The following TMEM266 variants were observed in gnomAD, a reference collection of about 807,000 sequenced individuals.
TMEM266 encodes Hv1 related protein 1.
In TMEM266, 33 loss-of-function variants were observed where a neutral mutation model predicts 50.5. The ratio of observed to expected loss-of-function variants is 0.65; its 90% confidence interval spans 0.50 to 0.87. TMEM266 has a LOEUF of 0.87. Among genes scored for constraint, TMEM266 ranks in the 40% least tolerant of loss-of-function variants. TMEM266 has a pLI of 0.00. For synonymous variants in TMEM266, 310 were observed against 292.3 expected, an observed-to-expected ratio of 1.06 and a Z score of -0.62; for missense variants, 655 against 695.1, an observed-to-expected ratio of 0.94 and a Z score of 0.65.
At chr15:76,116,952 T>C (rs4886479) in intron 1 of TMEM266, among the ~76,000 whole-genome samples, 45,881 of 147,204 alleles carry the variant, frequency 0.31, 8,413 homozygotes, top group East Asian at 0.56. Flanking sequence ...CAGGCTGGAG[T>C]GCAGTGGCAT....
intron 1 of TMEM266, among the ~76,000 whole-genome samples, chr15:76,089,879 A>G (rs1249739306): frequency 6.6e-6 from 1 of 152,150 alleles, no homozygotes; most frequent in Non-Finnish European, 1.5e-5. Context: ...AGGATTTGGC[A>G]ACTGGTTGGG....
Position 76,204,691 on chromosome 15 carries a change from A to G in TMEM266, c.*376A>G, listed in dbSNP as rs2038810198. On this transcript the variant is annotated 3_prime_UTR_variant, in exon 11 of 11. Coordinates refer to ENST00000388942, the MANE Select transcript of TMEM266 (RefSeq NM_152335.3). ...GACTCTAGGGAACAGCACTGTGAGCAGGGGCTGTCCAGCCCCACCCCTAAG... is the reference window on the plus strand; with the variant it reads ...GACTCTAGGGAACAGCACTGTGAGCGGGGGCTGTCCAGCCCCACCCCTAAG... 1.2e-5 allele frequency: 2 copies of G among 170,096 alleles called. No individual in the cohort carries two copies. Among genetic ancestry groups the G allele is most frequent in the African/African-American group, 2.4e-5 (1 of 41,896 alleles). The allele number at this position is 170,096 out of a possible 1,614,324, so 10.5% of individuals were successfully genotyped here.
At chr15:76,069,120 T>TTTAAG (rs1346795298) in intron 1 of TMEM266, among the ~76,000 whole-genome samples, 2 of 152,250 alleles carry the variant, frequency 1.3e-5, no homozygotes, top group African/African-American at 4.8e-5. Flanking sequence ...AAAAAGATAG[T>TTTAAG]TTAAGTTTTC....
chr15:76,166,072 G>T (rs944055637), intron 5 of TMEM266, among the ~76,000 whole-genome samples: 1 of 152,204 alleles, frequency 6.6e-6, no homozygotes, highest in Non-Finnish European at 1.5e-5. Context: ...GTCCTTGGCT[G>T]CACATTGAGA....
intron 1 of TMEM266, among the ~76,000 whole-genome samples, chr15:76,098,946 C>T (rs985581023): frequency 5.3e-5 from 8 of 152,106 alleles, no homozygotes; most frequent in African/African-American, 1.2e-4. Context: ...TAGAGTGTCC[C>T]GGGTCCATCT....
At chr15:76,201,749 A>C (rs2038752121) in intron 9 of TMEM266, among the ~76,000 whole-genome samples, 1 of 152,206 alleles carries the variant, frequency 6.6e-6, no homozygotes, top group Non-Finnish European at 1.5e-5. Context: ...ACGGGGGGCT[A>C]TCTGGATGGC....
intron 1 of TMEM266, among the ~76,000 whole-genome samples, chr15:76,126,331 A>G (rs1196239315): frequency 6.7e-6 from 1 of 149,366 alleles, no homozygotes; most frequent in Non-Finnish European, 1.5e-5. Context: ...GTGTCCATCA[A>G]TAGACAAATA....
At chr15:76,092,874 C>T (rs2036868525) in intron 1 of TMEM266, among the ~76,000 whole-genome samples, 2 of 139,020 alleles carry the variant, frequency 1.4e-5, no homozygotes, top group South Asian at 5.0e-4. Flanking sequence ...GTGGCACACT[C>T]TCGACTCACT....
In TMEM266 at chr15:76,139,784, A is replaced by G. The variant is rs1366533508; in HGVS notation, c.227+1889A>G. Among the ~76,000 whole-genome samples, 1 of 152,200 alleles carries G rather than the reference A, an allele frequency of 6.6e-6. No homozygotes were observed. Among genetic ancestry groups the G allele is most frequent in the Non-Finnish European group, 1.5e-5 (1 of 68,028 alleles). Reference sequence around the variant, plus strand: ...CTTTTCACGTGAAGAGTAGCATGGTATGGAGAAAAGTGGGGAAACCTTCAG... The same window carrying G: ...CTTTTCACGTGAAGAGTAGCATGGTGTGGAGAAAAGTGGGGAAACCTTCAG... On this transcript the variant is annotated intron_variant, in intron 3 of 10. Transcript: ENST00000388942. The surrounding 1 kb of genome is among the most constrained non-coding windows in gnomAD (Gnocchi z 4.1).
At chr15:76,063,429 A>T (rs763906315) in intron 1 of TMEM266, among the ~76,000 whole-genome samples, 1 of 152,140 alleles carries the variant, frequency 6.6e-6, no homozygotes, top group Non-Finnish European at 1.5e-5. Context: ...CTCCATCCAC[A>T]CTGGCCTCCT....
At chr15:76,151,817 G>A (rs549042867) in intron 3 of TMEM266, among the ~76,000 whole-genome samples, 9 of 152,292 alleles carry the variant, frequency 5.9e-5, no homozygotes, top group East Asian at 1.9e-4. Context: ...GGGCTGAGAC[G>A]CCGCATTCCT....
At chr15:76,154,414 A>G (rs773995090) in intron 3 of TMEM266, among the ~76,000 whole-genome samples, 4 of 152,102 alleles carry the variant, frequency 2.6e-5, no homozygotes, top group Non-Finnish European at 4.4e-5. Context: ...TGGTTCTGCA[A>G]TGGACTTCGA....
chr15:76,195,419 C>T (rs934817631), intron 9 of TMEM266, among the ~76,000 whole-genome samples: 9 of 152,380 alleles, frequency 5.9e-5, no homozygotes, highest in African/African-American at 2.2e-4. Context: ...TAGTCCACCC[C>T]AGAAACCCCA....
intron 8 of TMEM266, among the ~76,000 whole-genome samples, chr15:76,188,612 G>A (rs910713168): frequency 5.3e-5 from 8 of 151,984 alleles, no homozygotes; most frequent in Admixed American, 6.6e-5. Context: ...AAAAACAAAC[G>A]AACAAACAAA....
intron 1 of TMEM266, among the ~76,000 whole-genome samples, chr15:76,084,882 C>A (rs1406693956): frequency 6.6e-6 from 1 of 151,676 alleles, no homozygotes; most frequent in Non-Finnish European, 1.5e-5. Flanking sequence ...CAAGTGTAAG[C>A]CACTGTGCCC....
In TMEM266 at chr15:76,153,458, G is replaced by C. The variant is rs911075299; in HGVS notation, c.228-3146G>C. ...CTGCCCTTTTTATTCATAACCGCCTGAAGGTGCTTGGCTCAGATTTCAAAT... is the reference window on the plus strand; with the variant it reads ...CTGCCCTTTTTATTCATAACCGCCTCAAGGTGCTTGGCTCAGATTTCAAAT... On this transcript the variant is annotated intron_variant, in intron 3 of 10. Transcript: ENST00000388942. The surrounding 1 kb of genome is among the most constrained non-coding windows in gnomAD (Gnocchi z 4.2). 6.6e-6 allele frequency among the ~76,000 whole-genome samples: 1 copy of C among 152,230 alleles called. No homozygotes were observed. Among genetic ancestry groups the C allele is most frequent in the African/African-American group, 2.4e-5 (1 of 41,456 alleles).
intron 1 of TMEM266, among the ~76,000 whole-genome samples, chr15:76,067,666 AAAAG>A (rs1430801841): frequency 6.7e-6 from 1 of 148,334 alleles, no homozygotes; most frequent in Non-Finnish European, 1.5e-5. Flanking sequence ...AAAAGAAAAG[AAAAG>A]AAAAAGTCAT....
intron 5 of TMEM266, among the ~76,000 whole-genome samples, chr15:76,162,884 G>A (rs2959859): frequency 7.2e-5 from 11 of 152,248 alleles, no homozygotes; most frequent in African/African-American, 2.4e-4. Context: ...ACCCAGGGAT[G>A]TGGCTGTGGG....
chr15:76,146,631 A>C (rs995989844), intron 3 of TMEM266, among the ~76,000 whole-genome samples: 5 of 152,236 alleles, frequency 3.3e-5, no homozygotes, highest in African/African-American at 1.2e-4. Flanking sequence ...CAATATAGCA[A>C]ACATCTCTAA....
Sources: allele counts gnomAD v4.1 joint callset (sites outside exome capture counted in the v4.1 genomes callset), GRCh38; gene constraint gnomAD v4.1.1; non-coding constraint Gnocchi (gnomAD v3.1); transcripts MANE v1.5; gene names NCBI Gene and HGNC (gene_info 2026-07-23, HGNC 2026-07-21).